The following MSRB3 variants were observed in gnomAD, a reference collection of about 807,000 sequenced individuals.
MSRB3 encodes methionine sulfoxide reductase B3, also known as methionine-R-sulfoxide reductase B3.
MSRB3 carries 13 observed loss-of-function variants against 21.0 expected under a neutral mutation model. That is an observed-to-expected ratio of 0.62 (90% CI 0.40 to 0.98). The LOEUF is 0.98. Among genes scored for constraint, MSRB3 ranks in the 50% least tolerant of loss-of-function variants. The pLI is 0.00. For missense variants in MSRB3, 199 were observed against 230.3 expected (o/e 0.86, Z 0.88); for synonymous variants, 87 against 88.6 (o/e 0.98, Z 0.10).
intron 2 of MSRB3, among the ~76,000 whole-genome samples, chr12:65,325,313 A>G (rs1488261964): frequency 2.0e-5 from 3 of 152,244 alleles, no homozygotes; most frequent in Non-Finnish European, 4.4e-5. Flanking sequence ...TGAGAGATCA[A>G]CATGCCATTA....
intron 2 of MSRB3, among the ~76,000 whole-genome samples, chr12:65,310,512 A>T (rs1176303639): frequency 1.4e-5 from 2 of 141,950 alleles, no homozygotes; most frequent in Non-Finnish European, 3.2e-5. Flanking sequence ...GATTATACAT[A>T]ATGATGTTTT....
intron 6 of MSRB3, among the ~76,000 whole-genome samples, chr12:65,457,764 C>A (rs867236905): frequency 1.2e-4 from 18 of 148,998 alleles, no homozygotes; most frequent in South Asian, 8.5e-4. Context: ...AAAAAAAAAA[C>A]AAACCCATCA....
intron 4 of MSRB3, among the ~76,000 whole-genome samples, chr12:65,361,566 C>A (rs2136518023): frequency 6.6e-6 from 1 of 152,210 alleles, no homozygotes; most frequent in East Asian, 1.9e-4. Flanking sequence ...CTTTTAGTTT[C>A]TTTGAGTCAT....
chr12:65,295,351 T>C (rs1431716980), intron 1 of MSRB3, among the ~76,000 whole-genome samples: 1 of 152,246 alleles, frequency 6.6e-6, no homozygotes, highest in African/African-American at 2.4e-5. Flanking sequence ...TCCACATGAC[T>C]ATTGTCGAAT....
At position 65,424,728 on chromosome 12, in the gene MSRB3, A is replaced by G. The variant is rs79739077; in HGVS notation, c.293-29000A>G. Among the ~76,000 whole-genome samples the G allele has an allele frequency of 3.2e-3, 483 of 151,776 alleles. 5 individuals are homozygous for G. The highest frequency in any genetic ancestry group is 0.011 in the African/African-American group (453 of 41,416). On this transcript the variant is annotated intron_variant, in intron 5 of 6. Transcript: ENST00000308259. The stretch of plus-strand genomic sequence containing the variant: ...GTTAAGTTGTGTTTTGTAGCCTAAC[A>G]TATGATCTGTCCTGGAGAATGTTCC...
At chr12:65,339,603 T>C (rs956261522) in intron 4 of MSRB3, among the ~76,000 whole-genome samples, 1 of 152,220 alleles carries the variant, frequency 6.6e-6, no homozygotes, top group African/African-American at 2.4e-5. Context: ...ATAATGTAGT[T>C]AAGTGTAGTT....
At chr12:65,410,600 C>T (rs947125881) in intron 5 of MSRB3, among the ~76,000 whole-genome samples, 13 of 152,100 alleles carry the variant, frequency 8.5e-5, no homozygotes, top group Non-Finnish European at 1.9e-4. Context: ...GCTAAGATCG[C>T]TCCACTACAC....
rs564288612 is a variant in MSRB3 at position 65,436,074 on chromosome 12, G to T, written c.293-17654G>T. 2.6e-5 allele frequency among the ~76,000 whole-genome samples: 4 copies of T among 151,842 alleles called. No individual in the cohort carries two copies. In the East Asian group the frequency reaches 7.7e-4, roughly 29 times the overall value. ...AATATAGTGTCCCTGGAATATTCAG[G>T]CATAGGCTTTAGATAAGGAGTTCTT... is the stretch of plus-strand genomic sequence containing the variant. On this transcript the variant is annotated intron_variant, in intron 5 of 6. Coordinates refer to ENST00000308259, the MANE Select transcript of MSRB3 (RefSeq NM_001031679.3).
At chr12:65,291,361 C>G (rs1222612386) in intron 1 of MSRB3, among the ~76,000 whole-genome samples, 1 of 152,026 alleles carries the variant, frequency 6.6e-6, no homozygotes, top group African/African-American at 2.4e-5. Context: ...GCTGGGATTA[C>G]AGGTCTTTTC....
intron 5 of MSRB3, among the ~76,000 whole-genome samples, chr12:65,394,824 T>C (rs963019620): frequency 2.6e-5 from 4 of 152,248 alleles, no homozygotes; most frequent in Non-Finnish European, 4.4e-5. Flanking sequence ...TAAAGGTGAT[T>C]GTATCAGTAG....
chr12:65,419,435 G>C (rs1881159344), intron 5 of MSRB3: 7 of 748,788 alleles, frequency 9.3e-6, no homozygotes, highest in Non-Finnish European at 2.5e-6. Flanking sequence ...AGCTGCAGCT[G>C]AGTGACACTG....
chr12:65,353,569 A>AT (rs1248178989), intron 4 of MSRB3, among the ~76,000 whole-genome samples: 2 of 151,450 alleles, frequency 1.3e-5, no homozygotes, highest in Admixed American at 6.6e-5. Context: ...TTTGTTTTCC[A>AT]TTTGCTTGGT....
chr12:65,417,435 T>A (rs1480104153), intron 5 of MSRB3, among the ~76,000 whole-genome samples: 2 of 152,222 alleles, frequency 1.3e-5, no homozygotes, highest in African/African-American at 4.8e-5. Flanking sequence ...AGGTATGTGT[T>A]GTGGAATGGC....
intron 5 of MSRB3, among the ~76,000 whole-genome samples, chr12:65,396,579 T>A (rs1445314886): frequency 6.6e-6 from 1 of 151,714 alleles, no homozygotes; most frequent in African/African-American, 2.4e-5. Context: ...TAATCCCAGC[T>A]ACTCAGGAGG....
At chr12:65,307,454 T>C (rs1873724101) in intron 1 of MSRB3, among the ~76,000 whole-genome samples, 1 of 152,158 alleles carries the variant, frequency 6.6e-6, no homozygotes, top group African/African-American at 2.4e-5. Context: ...GGAACAGACT[T>C]TTTTTGGGGC....
At chr12:65,442,856 C>T (rs892594286) in intron 5 of MSRB3, among the ~76,000 whole-genome samples, 1 of 152,044 alleles carries the variant, frequency 6.6e-6, no homozygotes, top group Admixed American at 6.6e-5. Flanking sequence ...CTACAACTGA[C>T]TTCTGTGTAA....
At chr12:65,358,272 C>G (rs1045963559) in intron 4 of MSRB3, among the ~76,000 whole-genome samples, 3 of 151,750 alleles carry the variant, frequency 2.0e-5, no homozygotes, top group Admixed American at 6.6e-5. Flanking sequence ...TGTGCAGCAC[C>G]ATGCCCAGCT....
intron 5 of MSRB3, among the ~76,000 whole-genome samples, chr12:65,401,163 C>A (rs1880102630): frequency 6.6e-6 from 1 of 152,102 alleles, no homozygotes; most frequent in Admixed American, 6.6e-5. Flanking sequence ...CCCAAATATC[C>A]TTGTTAATTT....
chr12:65,307,960 A>G (rs1873754804), intron 1 of MSRB3, among the ~76,000 whole-genome samples: 1 of 152,186 alleles, frequency 6.6e-6, no homozygotes, highest in Non-Finnish European at 1.5e-5. Context: ...TAATCTTATT[A>G]TTTTATAGTC....
Sources: gnomAD v4.1 joint callset for allele counts (sites outside exome capture counted in the v4.1 genomes callset) on GRCh38, gnomAD v4.1.1 for gene constraint, MANE v1.5 for transcripts, NCBI Gene and HGNC (gene_info 2026-07-23, HGNC 2026-07-21) for gene names.